Variants in CTNNA2 observed in about 807,000 individuals in gnomAD.
CTNNA2 encodes the protein catenin alpha-2.
Under a neutral mutation model 101.0 loss-of-function variants are expected in CTNNA2, and 42 were observed. The ratio of observed to expected loss-of-function variants is 0.42; its 90% CI spans 0.32 to 0.54. The LOEUF is 0.54. Ranked by LOEUF, CTNNA2 falls within the 20% of genes least tolerant of loss-of-function variation. The pLI, the probability that CTNNA2 is intolerant of heterozygous loss-of-function variation, is 0.14. For missense variants in CTNNA2, 871 were observed against 1,223.1 expected (o/e 0.71, Z 4.29); for synonymous variants, 450 against 456.4 (o/e 0.99, Z 0.18).
At chr2:80,049,848 T>C (rs1696756725) in intron 7 of CTNNA2, among the ~76,000 whole-genome samples, 1 of 152,160 alleles carries the variant, frequency 6.6e-6, no homozygotes, top group African/African-American at 2.4e-5. Context: ...TTCTGCTCTT[T>C]ATATAACCCA....
At chr2:80,607,692 A>G (rs1698146617) in intron 16 of CTNNA2, among the ~76,000 whole-genome samples, 2 of 151,904 alleles carry the variant, frequency 1.3e-5, no homozygotes, top group Admixed American at 6.6e-5. Context: ...TAGATTTTTT[A>G]TAAGTGAATG....
intron 2 of CTNNA2, among the ~76,000 whole-genome samples, chr2:79,303,276 G>T (rs1161346556): frequency 6.6e-6 from 1 of 152,160 alleles, no homozygotes; most frequent in African/African-American, 2.4e-5. Flanking sequence ...TGAGGTGTGG[G>T]CTAAGAAAAG....
intron 7 of CTNNA2, among the ~76,000 whole-genome samples, chr2:80,296,535 A>G (rs900512047): frequency 1.3e-5 from 2 of 152,202 alleles, no homozygotes; most frequent in South Asian, 2.1e-4. Context: ...AGTGAACCTA[A>G]GGGCTTTTAA....
chr2:80,471,999 G>A lies in CTNNA2; in HGVS notation c.1290+52398G>A, dbSNP rs554942872. Among the ~76,000 whole-genome samples the A allele has an allele frequency of 5.9e-5, 9 of 152,220 alleles. No homozygotes were observed. The South Asian group carries it at 1.9e-3, about 32-fold the overall frequency. The stretch of plus-strand genomic sequence containing the variant: ...AAATTAGCTGGGTGTCATGGCACAT[G>A]CCTGTAATCCCAGCTACTCGGGAGG... On this transcript the variant is annotated intron_variant, in intron 9 of 18. Transcript: ENST00000402739.
chr2:80,148,934 T>C (rs1366817275), intron 7 of CTNNA2, among the ~76,000 whole-genome samples: 1 of 151,938 alleles, frequency 6.6e-6, no homozygotes, highest in East Asian at 1.9e-4. Flanking sequence ...TTTCACCTGA[T>C]GTGTCATTAG....
At chr2:79,670,294 T>A (rs1394621074) in intron 2 of CTNNA2, among the ~76,000 whole-genome samples, 2 of 152,108 alleles carry the variant, frequency 1.3e-5, no homozygotes, top group South Asian at 2.1e-4. Flanking sequence ...CATTCCTCAC[T>A]CCCTACAAGA....
chr2:79,256,634 T>C (rs1026527885), intron 2 of CTNNA2, among the ~76,000 whole-genome samples: 2 of 152,208 alleles, frequency 1.3e-5, no homozygotes, highest in African/African-American at 4.8e-5. Context: ...CAAGTTTGTA[T>C]TGATCTCATC....
intron 7 of CTNNA2, among the ~76,000 whole-genome samples, chr2:80,078,770 T>A (rs553192744): frequency 1.7e-3 from 260 of 152,348 alleles, no homozygotes; most frequent in African/African-American, 6.1e-3. Flanking sequence ...TGTTTCATTT[T>A]GCCAGGGGCA....
At chr2:80,199,113 G>A (rs527846200) in intron 7 of CTNNA2, among the ~76,000 whole-genome samples, 72 of 149,566 alleles carry the variant, frequency 4.8e-4, no homozygotes, top group African/African-American at 1.5e-3. Flanking sequence ...CCCAGGAGGC[G>A]GAGGTTGCAG....
intron 2 of CTNNA2, among the ~76,000 whole-genome samples, chr2:79,715,753 GAGCCA>G (rs1452962033): frequency 1.3e-5 from 2 of 152,098 alleles, no homozygotes; most frequent in Non-Finnish European, 2.9e-5. Flanking sequence ...TATAAATATG[GAGCCA>G]TTGGACCGTC....
chr2:80,363,191 A>G (rs1674585581), intron 7 of CTNNA2, among the ~76,000 whole-genome samples: 1 of 152,102 alleles, frequency 6.6e-6, no homozygotes, highest in African/African-American at 2.4e-5. Flanking sequence ...ATGAATTTAG[A>G]TATGGTGGAA....
At chr2:79,472,006 A>G (rs1671004442) in intron 4 of CTNNA2, among the ~76,000 whole-genome samples, 2 of 152,200 alleles carry the variant, frequency 1.3e-5, no homozygotes, top group Non-Finnish European at 2.9e-5. Flanking sequence ...AGACAAGAAT[A>G]TAAAGTTCAT....
chr2:79,775,712 CAAAT>C (rs1349639362), intron 3 of CTNNA2, among the ~76,000 whole-genome samples: 3 of 152,124 alleles, frequency 2.0e-5, no homozygotes, highest in African/African-American at 4.8e-5. Flanking sequence ...GTTTTCGAAA[CAAAT>C]AAATGCCATT....
chr2:79,361,803 A>G (rs556126596), intron 3 of CTNNA2, among the ~76,000 whole-genome samples: 1 of 152,280 alleles, frequency 6.6e-6, no homozygotes, highest in South Asian at 2.1e-4. Flanking sequence ...AGAAAGATAT[A>G]GGTTGGGAGG....
At position 79,324,910 on chromosome 2, in the gene CTNNA2, G is replaced by A. The variant is rs1049118636; in HGVS notation, c.-318+12114G>A. 1.6e-4 allele frequency among the ~76,000 whole-genome samples: 25 copies of A among 152,248 alleles called. No individual in the cohort carries two copies. In the East Asian group the frequency reaches 1.7e-3, roughly 11 times the overall value. On this transcript the variant is annotated intron_variant, in intron 3 of 21. Transcript: ENST00000466387. ...AGAAATGAAGATGCAACCTGTGACC[G>A]CAGTGCCTCCAAATAAAGAAATAGG...
intron 8 of CTNNA2, among the ~76,000 whole-genome samples, chr2:80,405,492 C>G (rs141001157): frequency 2.0e-5 from 3 of 152,004 alleles, no homozygotes; most frequent in Admixed American, 2.0e-4. Flanking sequence ...ATTAAAGAGA[C>G]CTGAGTTTCT....
chr2:80,432,348 A>G (rs1681621127), intron 9 of CTNNA2, among the ~76,000 whole-genome samples: 1 of 152,148 alleles, frequency 6.6e-6, no homozygotes, highest in Non-Finnish European at 1.5e-5. Context: ...TTGGGGAAAA[A>G]ATTGATGTTT....
intron 7 of CTNNA2, among the ~76,000 whole-genome samples, chr2:80,051,292 T>A (rs1349543002): frequency 6.6e-6 from 1 of 152,196 alleles, no homozygotes; most frequent in Non-Finnish European, 1.5e-5. Flanking sequence ...GTCATTCACA[T>A]AATGGTGCAT....
chr2:80,034,000 AAG>A (rs1046491179), intron 7 of CTNNA2, among the ~76,000 whole-genome samples: 4 of 151,084 alleles, frequency 2.6e-5, no homozygotes, highest in African/African-American at 9.7e-5. Context: ...AAAGCACTGA[AAG>A]AAAACATGGA....
Sources: gnomAD v4.1 joint callset for allele counts (sites outside exome capture counted in the v4.1 genomes callset) on GRCh38, gnomAD v4.1.1 for gene constraint, MANE v1.5 for transcripts, NCBI Gene and HGNC (gene_info 2026-07-23, HGNC 2026-07-21) for gene names.